DOCK4: variants seen among roughly 807,000 people sequenced by gnomAD.
DOCK4 encodes dedicator of cytokinesis protein 4.
Under a neutral mutation model 268.1 loss-of-function variants are expected in DOCK4, and 97 were observed. That is an observed-to-expected ratio of 0.36 (90% CI 0.31 to 0.43). The LOEUF is 0.43. Ranked by LOEUF, DOCK4 falls within the 20% of genes least tolerant of loss-of-function variation. DOCK4 has a pLI of 1.00. For missense variants in DOCK4, 2,145 were observed against 2,455.7 expected (o/e 0.87, Z 2.67); for synonymous variants, 954 against 887.2 (o/e 1.08, Z -1.34).
intron 1 of DOCK4, among the ~76,000 whole-genome samples, chr7:112,128,264 C>A (rs1013725615): frequency 6.6e-6 from 1 of 151,658 alleles, no homozygotes; most frequent in Non-Finnish European, 1.5e-5. Flanking sequence ...CCCCTCTGCC[C>A]GGCCAGCCGC....
intron 1 of DOCK4, among the ~76,000 whole-genome samples, chr7:112,086,210 C>T (rs755644724): frequency 7.9e-5 from 12 of 152,038 alleles, no homozygotes; most frequent in Non-Finnish European, 1.5e-4. Flanking sequence ...TATCTTTGTA[C>T]ACCTTTGTGT....
At position 111,728,118 on chromosome 7, in the gene DOCK4, A is replaced by G. The variant is rs984197104; in HGVS notation, c.*156T>C. 10 of 528,676 alleles carry G rather than the reference A, an allele frequency of 1.9e-5. No individual in the cohort carries two copies. The highest frequency in any genetic ancestry group is 3.9e-5 in the African/African-American group (2 of 50,838). The allele number at this position is 528,676 out of a possible 1,614,324, so 32.7% of individuals were successfully genotyped here. A position where few individuals can be genotyped will look rare whatever the true frequency, so the allele number is the denominator to read the frequency against. ...CTGGCGTTTTAGATCAGCAACTTTT[A>G]ATATTGTGCAACATGATATTTAATA... On this transcript the variant is annotated 3_prime_UTR_variant, in exon 53 of 53. Transcript: ENST00000428084.
At chr7:111,750,484 T>C (rs1249631600) in intron 42 of DOCK4, among the ~76,000 whole-genome samples, 1 of 152,190 alleles carries the variant, frequency 6.6e-6, no homozygotes, top group Non-Finnish European at 1.5e-5. Flanking sequence ...AATGGAATGT[T>C]TCATAATCGA....
At chr7:111,899,311 G>T (rs1315025936) in intron 15 of DOCK4, among the ~76,000 whole-genome samples, 1 of 152,174 alleles carries the variant, frequency 6.6e-6, no homozygotes, top group African/African-American at 2.4e-5. Context: ...ATTCCTTCCA[G>T]ACTGGAAGAG....
intron 1 of DOCK4, among the ~76,000 whole-genome samples, chr7:112,065,141 G>A (rs1484448575): frequency 1.3e-5 from 2 of 152,068 alleles, no homozygotes; most frequent in Admixed American, 1.3e-4. Flanking sequence ...TTACCAGCTG[G>A]GGTTGTTGAG....
At chr7:112,004,806 G>A (rs1043392395) in intron 1 of DOCK4, among the ~76,000 whole-genome samples, 2 of 152,110 alleles carry the variant, frequency 1.3e-5, no homozygotes, top group African/African-American at 4.8e-5. Flanking sequence ...ACTTGGAATG[G>A]GGAGGGGGAT....
At chr7:111,751,819 C>T (rs1796674988) in intron 42 of DOCK4, among the ~76,000 whole-genome samples, 4 of 152,082 alleles carry the variant, frequency 2.6e-5, no homozygotes, top group African/African-American at 7.2e-5. Flanking sequence ...GTGGTATGAT[C>T]ATAGTTCACT....
At chr7:111,941,036 A>C (rs1795160162) in intron 10 of DOCK4, among the ~76,000 whole-genome samples, 1 of 152,244 alleles carries the variant, frequency 6.6e-6, no homozygotes, top group Non-Finnish European at 1.5e-5. Flanking sequence ...TATCTCCAGC[A>C]ATTCCAAAAT....
intron 12 of DOCK4, among the ~76,000 whole-genome samples, chr7:111,933,892 G>A (rs1794475277): frequency 1.3e-5 from 2 of 152,124 alleles, no homozygotes; most frequent in Non-Finnish European, 2.9e-5. Context: ...GGTACTTATG[G>A]CTCTCACTGA....
intron 26 of DOCK4, among the ~76,000 whole-genome samples, chr7:111,822,853 G>C (rs1802099079): frequency 6.6e-6 from 1 of 152,104 alleles, no homozygotes; most frequent in African/African-American, 2.4e-5. Context: ...GCTCAGCTCT[G>C]CTTTCCTTTA....
intron 26 of DOCK4, among the ~76,000 whole-genome samples, chr7:111,827,153 G>C (rs1266315498): frequency 6.6e-6 from 1 of 152,134 alleles, no homozygotes; most frequent in Admixed American, 6.5e-5. Flanking sequence ...CCCTTGATGT[G>C]AGGTTTGAAT....
intron 26 of DOCK4, among the ~76,000 whole-genome samples, chr7:111,825,519 T>G (rs1223998019): frequency 6.6e-6 from 1 of 152,204 alleles, no homozygotes; most frequent in Non-Finnish European, 1.5e-5. Flanking sequence ...AGTAACAGAT[T>G]CTTTTTATAA....
intron 23 of DOCK4, among the ~76,000 whole-genome samples, chr7:111,851,631 A>G (rs1393561193): frequency 6.6e-6 from 1 of 151,920 alleles, no homozygotes; most frequent in African/African-American, 2.4e-5. Flanking sequence ...TAAGATCCCT[A>G]TTTGTTGCCT....
chr7:112,035,912 T>C (rs577818073), intron 1 of DOCK4, among the ~76,000 whole-genome samples: 7 of 152,134 alleles, frequency 4.6e-5, no homozygotes, highest in Non-Finnish European at 8.8e-5. Context: ...AATAAGTTTT[T>C]GAACAAAAGA....
intron 1 of DOCK4, among the ~76,000 whole-genome samples, chr7:112,066,689 A>ATGTATGTATGTATGTATGTGTG (rs1563052075): frequency 1.4e-4 from 2 of 14,802 alleles, no homozygotes; most frequent in African/African-American, 3.3e-4. Flanking sequence ...ATATACATAT[A>ATGTATGTATGTATGTATGTGTG]CATATATATA....
In DOCK4 at chr7:111,933,222, G is replaced by T. The variant is rs191343058; in HGVS notation, c.1066+2318C>A. 1.5e-4 allele frequency among the ~76,000 whole-genome samples: 18 copies of T among 123,772 alleles called. 1 individual carries two copies. The highest frequency in any genetic ancestry group is 5.2e-4 in the African/African-American group (17 of 32,472). 81.2% of individuals were successfully genotyped at this position (123,772 alleles called of 152,430 possible). On this transcript the variant is annotated intron_variant, in intron 12 of 52. Transcript: ENST00000428084. ...TATATACGTATATACACATATATAC[G>T]TATATACACATATATACGTATATAT... is the stretch of plus-strand genomic sequence containing the variant.
intron 1 of DOCK4, among the ~76,000 whole-genome samples, chr7:112,179,024 C>T (rs2116677489): frequency 6.6e-6 from 1 of 152,316 alleles, no homozygotes; most frequent in Admixed American, 6.5e-5. Context: ...TGTGTTTGAG[C>T]TTAGCCAATT....
chr7:112,199,567 T>G (rs1820740311), intron 1 of DOCK4, among the ~76,000 whole-genome samples: 1 of 152,204 alleles, frequency 6.6e-6, no homozygotes, highest in African/African-American at 2.4e-5. Context: ...GAAGCTAGGC[T>G]TGGGGAACTT....
chr7:112,044,118 T>C (rs79107237), intron 1 of DOCK4, among the ~76,000 whole-genome samples: 5,666 of 152,238 alleles, frequency 0.037, 308 homozygotes, highest in African/African-American at 0.11. Context: ...AGAGAAGCTA[T>C]ATAATTTAAC....
Sources: gnomAD v4.1 joint callset for allele counts (sites outside exome capture counted in the v4.1 genomes callset) on GRCh38, gnomAD v4.1.1 for gene constraint, MANE v1.5 for transcripts, NCBI Gene and HGNC (gene_info 2026-07-23, HGNC 2026-07-21) for gene names.